The following KDM5A variants were observed in gnomAD, a reference collection of about 807,000 sequenced individuals.
The protein encoded by KDM5A is lysine-specific demethylase 5A.
Under a neutral mutation model 193.5 loss-of-function variants are expected in KDM5A, and 42 were observed. That is an observed-to-expected ratio of 0.22 (90% confidence interval 0.17 to 0.28). KDM5A has a LOEUF of 0.28. KDM5A is among the 10% of genes least tolerant of loss of function. The probability of loss-of-function intolerance (pLI) is 1.00; values close to 1 mark genes in which losing one functional copy is unlikely to be tolerated. For synonymous variants in KDM5A, 796 were observed against 718.1 expected, an observed-to-expected ratio of 1.11 and a Z score of -1.73; for missense variants, 1,692 against 2,055.1, an observed-to-expected ratio of 0.82 and a Z score of 3.42.
At chr12:330,552 C>G (rs940809983) in intron 13 of KDM5A, among the ~76,000 whole-genome samples, 2 of 152,182 alleles carry the variant, frequency 1.3e-5, no homozygotes, top group African/African-American at 4.8e-5. Flanking sequence ...CAGCTCCTAT[C>G]TAAATCCTCC....
At position 322,566 on chromosome 12, in the gene KDM5A, A is replaced by G; in HGVS notation, c.2277T>C (p.Asp759=). Residue 759 remains aspartate, a splice_region_variant and synonymous_variant, in exon 17 of 28, where the codon GAT becomes GAC. Coordinates refer to ENST00000399788, the MANE Select transcript of KDM5A (RefSeq NM_001042603.3). The part of the protein sequence containing the change: ...ALSANFNHKK[D]LIELRVMLED... ...CCAGCATTACTCGCAATTCAATCAA[A>G]TCTGTAAAAATTTAAATAAAGAGCC... 6.2e-7 allele frequency: 1 copy of G among 1,611,416 alleles called. No individual in the cohort carries two copies. The highest frequency in any genetic ancestry group is 8.5e-7 in the Non-Finnish European group (1 of 1,178,824).
rs566387556 is a variant in KDM5A at position 329,913 on chromosome 12, G to A, written c.1774-884C>T. Among the ~76,000 whole-genome samples the A allele has an allele frequency of 2.2e-4, 34 of 152,052 alleles. No individual in the cohort carries two copies. The Middle Eastern group carries it at 0.01, about 46-fold the overall frequency. ...TATAAAAGAGAAAAAATAAGAAAAT[G>A]GACCTTTAAGAGCCTTTTAGAATTC... On this transcript the variant is annotated intron_variant, in intron 13 of 27. Transcript: ENST00000399788.
chr12:323,170 T>G lies in KDM5A; in HGVS notation c.2187A>C (p.Leu729=), dbSNP rs201746393. The G allele has an allele frequency of 1.3e-6, 2 of 1,485,300 alleles. No individual in the cohort carries two copies. Among genetic ancestry groups the G allele is most frequent in the Non-Finnish European group, 1.8e-6 (2 of 1,112,742 alleles). The allele number at this position is 1,485,300 out of a possible 1,614,324, so 92.0% of individuals were successfully genotyped here. ...ACTGTGCCCTGACTTTTACACCATA[T>G]AGCAGAGAAGGGAGGTCTTCTAATG... is the stretch of plus-strand genomic sequence containing the variant. ...RYPLEDLPSL[L]YGVKVRAQSY... The change falls in exon 16 of 28, where the codon CTA becomes CTC. Residue 729 remains leucine, a synonymous_variant. Coordinates refer to ENST00000399788, the MANE Select transcript of KDM5A (RefSeq NM_001042603.3).
At chr12:306,832 A>T in intron 24 of KDM5A, 114 bp downstream of exon 24, 5 of 1,011,956 alleles carry the variant, frequency 4.9e-6, no homozygotes, top group Non-Finnish European at 6.2e-6. Flanking sequence ...CAGATAAATG[A>T]TTAGTTTTCT....
At chr12:333,787 CT>C in intron 11 of KDM5A, 138 bp from the exon 12 acceptor site, 1 of 814,468 alleles carries the variant, frequency 1.2e-6, no homozygotes, top group Non-Finnish European at 2.1e-6. Context: ...TGGCAACCAT[CT>C]TATAAACCTG....
chr12:310,333 C>T (rs1252813401), intron 21 of KDM5A, among the ~76,000 whole-genome samples: 1 of 152,048 alleles, frequency 6.6e-6, no homozygotes, highest in African/African-American at 2.4e-5. Context: ...CGGAGAAATA[C>T]GATCTTTCAA....
intron 27 of KDM5A, among the ~76,000 whole-genome samples, chr12:290,717 GA>G (rs3216507): frequency 0.36 from 52,714 of 147,410 alleles, 9,770 homozygotes; most frequent in East Asian, 0.58. Flanking sequence ...CATAGCAAAT[GA>G]AAAAAAAAAC....
intron 10 of KDM5A, among the ~76,000 whole-genome samples, chr12:337,464 G>A (rs891584005): frequency 2.0e-5 from 3 of 152,010 alleles, no homozygotes; most frequent in Admixed American, 6.6e-5. Context: ...TAGTCTAGCT[G>A]GTGAAAAGGC....
At chr12:298,835 C>G (rs1470354365) in intron 24 of KDM5A, among the ~76,000 whole-genome samples, 1 of 151,948 alleles carries the variant, frequency 6.6e-6, no homozygotes, top group East Asian at 1.9e-4. Context: ...ACTAGAATAA[C>G]CAGTTTAGAA....
chr12:388,220 C>G, intron 1 of KDM5A: 1 of 452,806 alleles, frequency 2.2e-6, no homozygotes, highest in Non-Finnish European at 4.4e-6. Context: ...GGGATAGTAT[C>G]TGTTTTCCTT....
At position 300,821 on chromosome 12, in the gene KDM5A, G is replaced by T. The variant is rs527486233; in HGVS notation, c.4075-3621C>A. Among the ~76,000 whole-genome samples, 171 of 152,174 alleles carry T rather than the reference G, an allele frequency of 1.1e-3. 1 individual carries two copies. Among genetic ancestry groups the T allele is most frequent in the African/African-American group, 3.5e-3 (144 of 41,498 alleles). On this transcript the variant is annotated intron_variant, in intron 24 of 27. Transcript: ENST00000399788. ...GGAGAAAAGAGAGAAGATTCAAATA[G>T]ATGCAATAAAAAATGATAAAGGGGG...
intron 10 of KDM5A, among the ~76,000 whole-genome samples, chr12:334,666 G>A (rs538111423): frequency 2.0e-5 from 3 of 152,112 alleles, no homozygotes; most frequent in African/African-American, 4.8e-5. Flanking sequence ...CAAAGCACAT[G>A]AGCAATTCTT....
chr12:379,807 A>G (rs1466176779), intron 3 of KDM5A, among the ~76,000 whole-genome samples: 1 of 151,944 alleles, frequency 6.6e-6, no homozygotes, highest in Non-Finnish European at 1.5e-5. Context: ...ATATTTAAAC[A>G]AAGTGTACTT....
intron 6 of KDM5A, among the ~76,000 whole-genome samples, chr12:355,514 T>C (rs1472452983): frequency 6.6e-6 from 1 of 152,208 alleles, no homozygotes; most frequent in Non-Finnish European, 1.5e-5. Context: ...TAATGTTGTA[T>C]GTGTATGCAG....
chr12:355,536 T>C (rs778998619), intron 6 of KDM5A, among the ~76,000 whole-genome samples: 3 of 152,248 alleles, frequency 2.0e-5, no homozygotes, highest in Non-Finnish European at 2.9e-5. Flanking sequence ...ACGTACTACA[T>C]ACAACCTGCA....
intron 16 of KDM5A, 44 bp downstream of exon 16, chr12:323,038 T>C (rs1943738058): frequency 6.2e-7 from 1 of 1,611,114 alleles, no homozygotes; most frequent in African/African-American, 1.3e-5. Context: ...TCTTTTAAAG[T>C]GACAATCAAT....
At chr12:378,354 C>A (rs1407490082) in intron 3 of KDM5A, among the ~76,000 whole-genome samples, 1 of 152,044 alleles carries the variant, frequency 6.6e-6, no homozygotes, top group Admixed American at 6.6e-5. Context: ...AACACCTGGA[C>A]TCAAATGATC....
intron 8 of KDM5A, among the ~76,000 whole-genome samples, chr12:353,036 T>C (rs1046985520): frequency 2.6e-5 from 4 of 152,082 alleles, no homozygotes; most frequent in Admixed American, 1.3e-4. Context: ...CAAGTAAAAA[T>C]TGGGGCAAGC....
chr12:357,827 CAAAAAAAAAA>C lies in KDM5A; in HGVS notation c.673-1300_673-1291del, dbSNP rs61577928. ...TGGGCGACAGAGCAAGACTCAGTCT[CAAAAAAAAAA>C]AAAAAAAAAAAAAAAAAGCCCTTTT... is the stretch of plus-strand genomic sequence containing the variant. On this transcript the variant is annotated intron_variant, in intron 5 of 27. Coordinates refer to ENST00000399788, the MANE Select transcript of KDM5A (RefSeq NM_001042603.3). Among the ~76,000 whole-genome samples the C allele has an allele frequency of 7.1e-3, 211 of 29,866 alleles. 9 individuals are homozygous for C. In the South Asian group the frequency reaches 0.15, roughly 22 times the overall value. The allele number at this position is 29,866 out of a possible 152,430, so 19.6% of individuals were successfully genotyped here.
Sources: allele counts gnomAD v4.1 joint callset (sites outside exome capture counted in the v4.1 genomes callset), GRCh38; gene constraint gnomAD v4.1.1; transcripts MANE v1.5; gene names NCBI Gene and HGNC (gene_info 2026-07-23, HGNC 2026-07-21).